Variants in ABCA10 observed in about 807,000 individuals in gnomAD.
ABCA10 encodes the protein ATP-binding cassette sub-family A member 10.
ABCA10 carries 169 observed loss-of-function variants against 187.5 expected under a neutral mutation model. That is an observed-to-expected ratio of 0.90 (90% CI 0.80 to 1.02). The LOEUF is 1.02. Among genes scored for constraint, ABCA10 ranks in the 50% least tolerant of loss-of-function variants. ABCA10 has a pLI of 0.00. For missense variants in ABCA10, 1,727 were observed against 1,812.4 expected, an observed-to-expected ratio of 0.95 and a Z score of 0.86; for synonymous variants, 574 against 601.8, an observed-to-expected ratio of 0.95 and a Z score of 0.68.
At chr17:69,212,475 G>T (rs1288741326) in intron 9 of ABCA10, among the ~76,000 whole-genome samples, 1 of 152,112 alleles carries the variant, frequency 6.6e-6, no homozygotes, top group Non-Finnish European at 1.5e-5. Flanking sequence ...GTAAATATTT[G>T]TTAAGTTCAG....
At chr17:69,151,593 G>A (rs2074128515) in intron 36 of ABCA10, among the ~76,000 whole-genome samples, 1 of 152,154 alleles carries the variant, frequency 6.6e-6, no homozygotes, top group South Asian at 2.1e-4. Flanking sequence ...GAAACATTGG[G>A]AGGATCAAAT....
rs756293426 is a variant in ABCA10, at chr17:69,156,850, T to A, written c.3437A>T (p.Asn1146Ile). 6.3e-7 allele frequency: 1 copy of A among 1,581,608 alleles called. No homozygotes were observed. Among genetic ancestry groups the A allele is most frequent in the South Asian group, 1.2e-5 (1 of 86,322 alleles). Residue 1146 changes from asparagine to isoleucine, a missense_variant, in exon 28 of 39, where the codon AAT becomes ATT. Physicochemically the swap from Asn to Ile is moderately radical, Grantham distance 149. Coordinates refer to ENST00000690296, the MANE Select transcript of ABCA10 (RefSeq NM_001377321.1). The stretch of plus-strand genomic sequence containing the variant: ...TCCCAACCTGAAAACTGGGTCTTTA[T>A]TCATTATTTCATTTCCATACTTCAT... ...LEMKYGNEIM[N>I]KDPVFRISPR...
At chr17:69,183,372 T>C (rs2074394985) in intron 20 of ABCA10, among the ~76,000 whole-genome samples, 1 of 152,152 alleles carries the variant, frequency 6.6e-6, no homozygotes, top group Non-Finnish European at 1.5e-5. Context: ...GAAGTCAAGT[T>C]GGTCACAGGG....
Position 69,222,598 on chromosome 17 carries a change from G to A in ABCA10, c.134C>T (p.Ser45Leu). The A allele has an allele frequency of 6.2e-7, 1 of 1,603,662 alleles. No homozygotes were observed. The highest frequency in any genetic ancestry group is 8.5e-7 in the Non-Finnish European group (1 of 1,177,690). ...TCCCCAATTAAACTTCAGGCGATATGAGAAAGTATCACTAAATATAACTCC... is the reference window on the plus strand; with the variant it reads ...TCCCCAATTAAACTTCAGGCGATATAAGAAAGTATCACTAAATATAACTCC... ...MVGVIFSDTFSYRLKFNWGYR... is the reference protein window; with the variant it reads ...MVGVIFSDTFLYRLKFNWGYR... The change falls in exon 4 of 39, where the codon TCA becomes TTA. Residue 45 changes from serine to leucine, a missense_variant. By Grantham distance (145) the Ser-to-Leu change is moderately radical. Transcript: ENST00000690296.
In ABCA10 at chr17:69,155,847, T is replaced by C. The variant is rs1391697143; in HGVS notation, c.3534A>G (p.Arg1178=). 6.2e-7 allele frequency: 1 copy of C among 1,613,730 alleles called. No individual in the cohort carries two copies. The highest frequency in any genetic ancestry group is 8.5e-7 in the Non-Finnish European group (1 of 1,179,808). Residue 1178 remains arginine (R), a synonymous_variant, in exon 29 of 39, where the codon AGA becomes AGG. Transcript: ENST00000690296. ...EEEDEDVQAE[R]VQAANALTAP... ...CAGTGAGTGCATTTGCTGCTTGGAC[T>C]CTTTCAGCTTGAACATCTTCATCTT...
intron 6 of ABCA10, among the ~76,000 whole-genome samples, chr17:69,218,682 A>G (rs187041785): frequency 8.1e-4 from 123 of 152,166 alleles, no homozygotes; most frequent in Non-Finnish European, 1.0e-3. Flanking sequence ...TGCATAGACT[A>G]TATAGATGGA....
chr17:69,176,437 C>G (rs1295637052), intron 22 of ABCA10, among the ~76,000 whole-genome samples: 1 of 151,502 alleles, frequency 6.6e-6, no homozygotes, highest in African/African-American at 2.4e-5. Context: ...AAAAGGAGTG[C>G]AGAAAAGGTA....
Position 69,193,505 on chromosome 17 carries a change from T to A in ABCA10, c.1629A>T (p.Leu543Phe), listed in dbSNP as rs2074476829. Residue 543 changes from leucine (L) to phenylalanine (F), a missense_variant, in exon 14 of 39, where the codon TTA becomes TTT. Coordinates refer to ENST00000690296, the MANE Select transcript of ABCA10 (RefSeq NM_001377321.1). ...KRKLTLGIAI[L>F]GDPQVLLLDE... ...TTTTTTCTCTCACCTGAGGATCTCC[T>A]AAGATGGCAATCCCTAGTGTTAGTT... The A allele has an allele frequency of 1.9e-6, 3 of 1,613,168 alleles. No individual in the cohort carries two copies. Among genetic ancestry groups the A allele is most frequent in the Non-Finnish European group, 2.5e-6 (3 of 1,179,634 alleles).
chr17:69,193,418 G>A (rs889359029), intron 14 of ABCA10, 75 bp downstream of exon 14: 5 of 1,538,930 alleles, frequency 3.2e-6, no homozygotes, highest in Admixed American at 2.0e-5. Flanking sequence ...GGTAATTACA[G>A]TAGAAGTTGG....
intron 9 of ABCA10, among the ~76,000 whole-genome samples, chr17:69,204,227 A>G (rs1450986226): frequency 6.6e-6 from 1 of 152,250 alleles, no homozygotes; most frequent in Non-Finnish European, 1.5e-5. Context: ...ACTATGCACC[A>G]GCTCTGCCAA....
intron 18 of ABCA10, among the ~76,000 whole-genome samples, 196 bp downstream of exon 18, chr17:69,190,162 G>A (rs562303638): frequency 7.9e-5 from 12 of 152,156 alleles, no homozygotes; most frequent in African/African-American, 2.9e-4. Flanking sequence ...TAGCACCAAG[G>A]CTGATTATAC....
At chr17:69,182,130 T>C (rs766314507) in intron 22 of ABCA10, 23 bp downstream of exon 22, 17 of 1,542,174 alleles carry the variant, frequency 1.1e-5, no homozygotes, top group African/African-American at 1.4e-5. Flanking sequence ...TTGCCTCTTA[T>C]ATAAGTCGAA....
intron 5 of ABCA10, 88 bp downstream of exon 5, chr17:69,221,704 G>A: frequency 8.5e-7 from 1 of 1,181,238 alleles, no homozygotes; most frequent in Non-Finnish European, 1.2e-6. Flanking sequence ...CCTCCTAAGA[G>A]TGTAAGAGTA....
At chr17:69,151,583 G>C (rs2074128425) in intron 36 of ABCA10, among the ~76,000 whole-genome samples, 1 of 152,124 alleles carries the variant, frequency 6.6e-6, no homozygotes, top group South Asian at 2.1e-4. Context: ...AACTTTAAAA[G>C]AAACATTGGG....
chr17:69,188,047 T>C (rs1041284697), intron 18 of ABCA10, among the ~76,000 whole-genome samples, 168 bp from the exon 19 acceptor site: 1 of 152,208 alleles, frequency 6.6e-6, no homozygotes, highest in South Asian at 2.1e-4. Flanking sequence ...ACATATGTAA[T>C]GGATTCAGTT....
In ABCA10 at chr17:69,158,119, T is replaced by C. The variant is rs1238736143; in HGVS notation, c.3364-1196A>G. Among the ~76,000 whole-genome samples, 3 of 152,136 alleles carry C rather than the reference T, an allele frequency of 2.0e-5. No homozygotes were observed. The East Asian group carries it at 5.8e-4, about 29-fold the overall frequency. ...GGGATTTAGTAAGATAAATAGTTTATATTTTTAAAAGTTACTATGATGATA... is the reference window on the plus strand; with the variant it reads ...GGGATTTAGTAAGATAAATAGTTTACATTTTTAAAAGTTACTATGATGATA... On this transcript the variant is annotated intron_variant, in intron 27 of 38. Coordinates refer to ENST00000690296, the MANE Select transcript of ABCA10 (RefSeq NM_001377321.1).
rs760125791 is a variant in ABCA10, at chr17:69,155,873, C to G, written c.3508G>C (p.Glu1170Gln). ...THPNPEEPEE[E>Q]DEDVQAERVQ... ...CTTTCAGCTTGAACATCTTCATCTTCTTCTTCGGGCTCTTCCGGATTGGGA... is the reference window on the plus strand; with the variant it reads ...CTTTCAGCTTGAACATCTTCATCTTGTTCTTCGGGCTCTTCCGGATTGGGA... The change falls in exon 29 of 39, where the codon GAA (glutamate) becomes CAA (glutamine). Residue 1170 changes from glutamate (E) to glutamine (Q), a missense_variant. Glu to Gln is a conservative substitution (Grantham distance 29). Transcript: ENST00000690296. 6.2e-7 allele frequency: 1 copy of G among 1,613,656 alleles called. No homozygotes were observed. The highest frequency in any genetic ancestry group is 8.5e-7 in the Non-Finnish European group (1 of 1,179,780).
At chr17:69,221,361 G>A (rs116249154) in intron 5 of ABCA10, among the ~76,000 whole-genome samples, 20 of 152,310 alleles carry the variant, frequency 1.3e-4, no homozygotes, top group African/African-American at 4.6e-4. Flanking sequence ...TTAATAGAAG[G>A]AAGTTAGGGT....
intron 25 of ABCA10, among the ~76,000 whole-genome samples, chr17:69,168,516 C>CT (rs368091073): frequency 1.6e-4 from 25 of 152,280 alleles, no homozygotes; most frequent in African/African-American, 5.8e-4. Context: ...TTCTATTTCT[C>CT]TGTTTTTATT....
Sources: allele counts gnomAD v4.1 joint callset (sites outside exome capture counted in the v4.1 genomes callset), GRCh38; gene constraint gnomAD v4.1.1; transcripts MANE v1.5; gene names NCBI Gene and HGNC (gene_info 2026-07-23, HGNC 2026-07-21).